The following GSE1 variants were observed in gnomAD, a reference collection of about 807,000 sequenced individuals.
The protein encoded by GSE1 is genetic suppressor element 1.
In GSE1, 32 loss-of-function variants were observed where a neutral mutation model predicts 112.6. That is an observed-to-expected ratio of 0.28 (90% CI 0.21 to 0.38). GSE1 has a LOEUF of 0.38. Ranked by LOEUF, GSE1 falls within the 10% of genes least tolerant of loss-of-function variation. The pLI is 1.00. For missense variants in GSE1, 2,348 were observed against 1,699.2 expected (o/e 1.38, Z -6.71); for synonymous variants, 1,115 against 735.6 (o/e 1.52, Z -8.35).
At chr16:85,366,998 C>A (rs2151590361) in intron 2 of GSE1, among the ~76,000 whole-genome samples, 1 of 152,182 alleles carries the variant, frequency 6.6e-6, no homozygotes. Flanking sequence ...AGAGCCGTGT[C>A]ACCAGGCACA....
intron 1 of GSE1, among the ~76,000 whole-genome samples, chr16:85,175,092 G>A (rs144806769): frequency 2.6e-5 from 4 of 152,284 alleles, no homozygotes; most frequent in East Asian, 1.9e-4. Flanking sequence ...ATGCGTTAGC[G>A]AATCAGCTTT....
intron 2 of GSE1, among the ~76,000 whole-genome samples, chr16:85,432,752 C>G (rs1433105518): frequency 6.6e-6 from 1 of 152,090 alleles, no homozygotes; most frequent in African/African-American, 2.4e-5. Flanking sequence ...CTGAAATGCC[C>G]CCAGTTGACA....
At chr16:85,648,003 C>T (rs2051024482) in intron 2 of GSE1, among the ~76,000 whole-genome samples, 1 of 151,880 alleles carries the variant, frequency 6.6e-6, no homozygotes, top group African/African-American at 2.4e-5. Context: ...CATGGGGGCT[C>T]CCCGGGAAGA....
chr16:85,535,138 G>T (rs1003252402), intron 2 of GSE1, among the ~76,000 whole-genome samples: 1 of 152,216 alleles, frequency 6.6e-6, no homozygotes. Flanking sequence ...AGGGCTCCAG[G>T]CTCAGTGAGG....
At chr16:85,385,064 G>A (rs2047657343) in intron 2 of GSE1, among the ~76,000 whole-genome samples, 1 of 152,254 alleles carries the variant, frequency 6.6e-6, no homozygotes. Context: ...TCCGCCACCT[G>A]CCCCGGGCCC....
At chr16:85,521,637 CAT>C (rs1354172355) in intron 2 of GSE1, among the ~76,000 whole-genome samples, 20 of 152,242 alleles carry the variant, frequency 1.3e-4, no homozygotes, top group Admixed American at 1.3e-3. Flanking sequence ...CAGTCAGTAA[CAT>C]GTGTTTGCAG....
chr16:85,486,359 A>G (rs568096154), intron 2 of GSE1, among the ~76,000 whole-genome samples: 38 of 152,298 alleles, frequency 2.5e-4, no homozygotes, highest in African/African-American at 8.9e-4. Context: ...GAGCCCGGGA[A>G]GCCTTCCAAG....
intron 1 of GSE1, among the ~76,000 whole-genome samples, chr16:85,255,504 C>T (rs1461063067): frequency 6.6e-6 from 1 of 151,804 alleles, no homozygotes; most frequent in Non-Finnish European, 1.5e-5. Context: ...TTTTGCCTCC[C>T]GGGTTCAAGT....
At chr16:85,638,342 G>A (rs577637993) in intron 2 of GSE1, among the ~76,000 whole-genome samples, 28 of 152,126 alleles carry the variant, frequency 1.8e-4, no homozygotes, top group African/African-American at 5.8e-4. Flanking sequence ...TCAGTCACCC[G>A]CCCACCAGCG....
chr16:85,444,058 C>T (rs2049447758), intron 2 of GSE1, among the ~76,000 whole-genome samples: 1 of 133,404 alleles, frequency 7.5e-6, no homozygotes, highest in Non-Finnish European at 1.5e-5. Flanking sequence ...GATCTTGGCT[C>T]ACTGCGACCT....
upstream of GSE1, among the ~76,000 whole-genome samples, chr16:85,553,508 C>G (rs1248173270): frequency 6.6e-6 from 1 of 151,374 alleles, no homozygotes; most frequent in Non-Finnish European, 1.5e-5. Context: ...CCCCTGCGCC[C>G]GCGTGCGCTA....
intron 1 of GSE1, among the ~76,000 whole-genome samples, chr16:85,355,163 G>C (rs1382977421): frequency 1.3e-5 from 2 of 152,098 alleles, no homozygotes; most frequent in Non-Finnish European, 2.9e-5. Context: ...GCGCTTGCCC[G>C]AGGAATTCTG....
At chr16:85,193,562 C>T (rs537739836) in intron 1 of GSE1, among the ~76,000 whole-genome samples, 16 of 152,228 alleles carry the variant, frequency 1.1e-4, no homozygotes, top group African/African-American at 2.6e-4. Flanking sequence ...CGGGTTCAAG[C>T]GATTCTCCTG....
At chr16:85,295,537 C>G (rs2045343357) in intron 1 of GSE1, among the ~76,000 whole-genome samples, 1 of 152,132 alleles carries the variant, frequency 6.6e-6, no homozygotes, top group Non-Finnish European at 1.5e-5. Flanking sequence ...TGTGTGAAGC[C>G]TCATGGCCTT....
intron 2 of GSE1, chr16:85,357,722 C>G: frequency 1.0e-6 from 1 of 961,466 alleles, no homozygotes; most frequent in Non-Finnish European, 1.4e-6. Context: ...GCTCCCAGAG[C>G]CGAGTTCAGA....
chr16:85,454,926 G>A (rs950875599), intron 2 of GSE1, among the ~76,000 whole-genome samples: 4 of 152,162 alleles, frequency 2.6e-5, no homozygotes, highest in Non-Finnish European at 4.4e-5. Context: ...AAATAAGGTC[G>A]CCTGCCCAGG....
chr16:85,423,050 G>C (rs2035488), intron 2 of GSE1, among the ~76,000 whole-genome samples: 150,127 of 152,366 alleles, frequency 0.99, 74,000 homozygotes, highest in Middle Eastern at 1. Context: ...AGGAGGCATT[G>C]AGGTGAGGCT....
intron 1 of GSE1, among the ~76,000 whole-genome samples, chr16:85,209,925 G>A (rs765715386): frequency 6.6e-6 from 1 of 152,238 alleles, no homozygotes; most frequent in South Asian, 2.1e-4. Context: ...ACCTCCAGGG[G>A]TGCTGTGATT....
chr16:85,276,231 C>G (rs1473622312), intron 1 of GSE1, among the ~76,000 whole-genome samples: 1 of 152,248 alleles, frequency 6.6e-6, no homozygotes, highest in Non-Finnish European at 1.5e-5. Flanking sequence ...GGCTGCCAGC[C>G]CATGCTGAGC....
Sources: allele counts gnomAD v4.1 joint callset (sites outside exome capture counted in the v4.1 genomes callset), GRCh38; gene constraint gnomAD v4.1.1; transcripts MANE v1.5; gene names NCBI Gene and HGNC (gene_info 2026-07-23, HGNC 2026-07-21).